PSD: variants seen among roughly 807,000 people sequenced by gnomAD.
PSD encodes PH and SEC7 domain-containing protein 1.
PSD carries 32 observed loss-of-function variants against 91.6 expected under a neutral mutation model. The ratio of observed to expected loss-of-function variants is 0.35; its 90% CI spans 0.26 to 0.47. PSD has a LOEUF of 0.47. Ranked by LOEUF, PSD falls within the 20% of genes least tolerant of loss-of-function variation. PSD has a pLI of 1.00. For synonymous variants in PSD, 532 were observed against 569.3 expected (o/e 0.93, Z 0.93); for missense variants, 1,099 against 1,373.9 (o/e 0.80, Z 3.16).
At chr10:102,415,384 G>A (rs1251913447) in intron 3 of PSD, among the ~76,000 whole-genome samples, 155 bp from the exon 4 acceptor site, 2 of 152,230 alleles carry the variant, frequency 1.3e-5, no homozygotes, top group Non-Finnish European at 2.9e-5. Flanking sequence ...GCTTGTTCCT[G>A]GTGCCAGTGG....
chr10:102,412,368 C>G lies in PSD; in HGVS notation c.1748+13G>C. On this transcript the variant is annotated intron_variant, in intron 6 of 16. Coordinates refer to ENST00000020673, the MANE Select transcript of PSD (RefSeq NM_002779.5). The stretch of plus-strand genomic sequence containing the variant: ...CTCTGCCCCCATCCTCAGTCCCAGC[C>G]TAGTGGCTTTACTTCTTGCCCAGGT... 6.2e-7 allele frequency: 1 copy of G among 1,613,080 alleles called. No homozygotes were observed. Among genetic ancestry groups the G allele is most frequent in the East Asian group, 2.2e-5 (1 of 44,854 alleles).
chr10:102,411,006 A>C (rs1182909772), intron 9 of PSD, 52 bp downstream of exon 9: 1 of 1,613,094 alleles, frequency 6.2e-7, no homozygotes, highest in Non-Finnish European at 8.5e-7. Flanking sequence ...CAGGTCCTGC[A>C]TGTCTGGCCA....
Position 102,404,220 on chromosome 10 carries a change from T to C in PSD, c.2701-235A>G, listed in dbSNP as rs1589879750. Reference sequence around the variant, plus strand: ...AAAATTAGCCAGGCGTGGTGGCAGGTGCCTGTAGTCCCAGCTACTCAGGAG... The same window carrying C: ...AAAATTAGCCAGGCGTGGTGGCAGGCGCCTGTAGTCCCAGCTACTCAGGAG... On this transcript the variant is annotated intron_variant, in intron 15 of 16. Coordinates refer to ENST00000020673, the MANE Select transcript of PSD (RefSeq NM_002779.5). This position sits in a 1 kb window ranked among gnomAD's most constrained non-coding sequence, Gnocchi z 5.7. Among the ~76,000 whole-genome samples, 1 of 151,938 alleles carries C rather than the reference T, an allele frequency of 6.6e-6. No individual in the cohort carries two copies. Among genetic ancestry groups the C allele is most frequent in the South Asian group, 2.1e-4 (1 of 4,810 alleles).
rs1045591280 is a variant in PSD at position 102,403,315 on chromosome 10, A to C, written c.2960T>G (p.Leu987Arg). The change falls in exon 17 of 17, where the codon CTC (leucine) becomes CGC (arginine). Residue 987 changes from leucine (L) to arginine (R), a missense_variant. By Grantham distance (102) the Leu-to-Arg change is moderately radical (BLOSUM62 -2). Coordinates refer to ENST00000020673, the MANE Select transcript of PSD (RefSeq NM_002779.5). This position sits in a 1 kb window ranked among gnomAD's most constrained non-coding sequence, Gnocchi z 6.7. ...GGAGGGACTGGAGTGAGAAGGAGGG[A>C]GTCCATCCTCTGTGCTCCCGGCCTG... Reference protein sequence around the residue: ...LAQAGSTEDGLPPSHSSPSLQ... With the variant: ...LAQAGSTEDGRPPSHSSPSLQ... The C allele has an allele frequency of 1.2e-6, 2 of 1,613,978 alleles. No homozygotes were observed. Among genetic ancestry groups the C allele is most frequent in the African/African-American group, 1.3e-5 (1 of 74,930 alleles).
At position 102,409,644 on chromosome 10, in the gene PSD, G is replaced by T. The variant is rs2061405067; in HGVS notation, c.2091+1214C>A. ...AGCCCTGGCCTCATCCAGCTCACCC[G>T]CAGATACCCCACCCATATATAGATC... On this transcript the variant is annotated intron_variant, in intron 10 of 16. Coordinates refer to ENST00000020673, the MANE Select transcript of PSD (RefSeq NM_002779.5). This position sits in a 1 kb window ranked among gnomAD's most constrained non-coding sequence, Gnocchi z 5.7. Among the ~76,000 whole-genome samples, 1 of 152,006 alleles carries T rather than the reference G, an allele frequency of 6.6e-6. No individual in the cohort carries two copies. The highest frequency in any genetic ancestry group is 1.5e-5 in the Non-Finnish European group (1 of 67,980).
At position 102,414,297 on chromosome 10, in the gene PSD, T is replaced by TC; in HGVS notation, c.1125-101dup. The TC allele has an allele frequency of 1.7e-6, 2 of 1,177,808 alleles. No homozygotes were observed. The highest frequency in any genetic ancestry group is 2.4e-6 in the Non-Finnish European group (2 of 835,080). 73.0% of individuals were successfully genotyped at this position (1,177,808 alleles called of 1,614,324 possible). A position where few individuals can be genotyped will look rare whatever the true frequency, so the allele number is the denominator to read the frequency against. Reference sequence around the variant, plus strand: ...ACTGACTCTGCTAAGGGGATTATCATCCCCTTTTCACTGGCTCCAGCCCAC... The same window carrying TC: ...ACTGACTCTGCTAAGGGGATTATCATCCCCCTTTTCACTGGCTCCAGCCCAC... On this transcript the variant is annotated intron_variant, in intron 4 of 16. Transcript: ENST00000020673. The surrounding 1 kb of genome is among the most constrained non-coding windows in gnomAD (Gnocchi z 5.6).
chr10:102,412,639 T>C, intron 5 of PSD, 64 bp from the exon 6 acceptor site: 1 of 1,426,888 alleles, frequency 7.0e-7, no homozygotes, highest in South Asian at 1.3e-5. Context: ...AGACCCTCCT[T>C]CTGCCTCCAG....
rs1164270149 is a variant in PSD, at chr10:102,414,119, A to G, written c.1203T>C (p.Ser401=). The change falls in exon 5 of 17, where the codon TCT becomes TCC. Residue 401 remains serine (S), a synonymous_variant. Coordinates refer to ENST00000020673, the MANE Select transcript of PSD (RefSeq NM_002779.5). The surrounding 1 kb of genome is among the most constrained non-coding windows in gnomAD (Gnocchi z 5.6). The part of the protein sequence containing the change: ...GTSPSADGPD[S]FSCVFEAILE... ...GGATGGCTTCGAACACACAACTGAAAGAGTCAGGCCCATCAGCCGAGGGGC... is the reference window on the plus strand; with the variant it reads ...GGATGGCTTCGAACACACAACTGAAGGAGTCAGGCCCATCAGCCGAGGGGC... 3 of 1,614,062 alleles carry G rather than the reference A, an allele frequency of 1.9e-6. No individual in the cohort carries two copies. Among genetic ancestry groups the G allele is most frequent in the Admixed American group, 1.7e-5 (1 of 60,010 alleles).
rs773567711 is a variant in PSD, at chr10:102,404,897, C to T, written c.2555+1G>A. On this transcript the variant is annotated splice_donor_variant, in intron 14 of 16. Transcript: ENST00000020673. LOFTEE classifies it high-confidence loss of function. This position sits in a 1 kb window ranked among gnomAD's most constrained non-coding sequence, Gnocchi z 5.7. ...GGGATGGGCAGGAGGAGGGCACTCA[C>T]GGGGCCTGGAAGAGGAAGACCCGCC... is the stretch of plus-strand genomic sequence containing the variant. The T allele has an allele frequency of 1.9e-6, 3 of 1,611,714 alleles. No individual in the cohort carries two copies. The highest frequency in any genetic ancestry group is 8.5e-7 in the Non-Finnish European group (1 of 1,178,956).
chr10:102,419,429 G>C (rs2061529197), upstream of PSD: 1 of 153,012 alleles, frequency 6.5e-6, no homozygotes, highest in Non-Finnish European at 1.5e-5. The surrounding 1 kb of genome is among the most constrained non-coding windows in gnomAD (Gnocchi z 4.8). Context: ...GAGGTTAGAC[G>C]GGATGAACTA....
rs763168055 is a variant in PSD at position 102,403,916 on chromosome 10, C to T, written c.2770G>A (p.Ala924Thr). Residue 924 changes from alanine (A) to threonine (T), a missense_variant, in exon 16 of 17, where the codon GCC becomes ACC. Around this residue, in one of 3 missense-constraint regions of PSD, gnomAD observed 358 missense variants for 426.5 expected, o/e 0.84. Transcript: ENST00000020673. The surrounding 1 kb of genome is among the most constrained non-coding windows in gnomAD (Gnocchi z 6.7). ...CCCCGGCCCTTCTTGCCCAGCTGGG[C>T]GGCCCGGTGCTCCCGCAGCTCACTT... is the stretch of plus-strand genomic sequence containing the variant. ...MASELREHRA[A>T]QLGKKGRGKE... 2.4e-5 allele frequency: 39 copies of T among 1,596,320 alleles called. No homozygotes were observed. Among genetic ancestry groups the T allele is most frequent in the South Asian group, 3.4e-5 (3 of 88,686 alleles).
chr10:102,418,164 A>G (rs1240551972), intron 1 of PSD, among the ~76,000 whole-genome samples: 1 of 151,066 alleles, frequency 6.6e-6, no homozygotes, highest in Non-Finnish European at 1.5e-5. Flanking sequence ...TCTGGCACAC[A>G]CACAGACACA....
rs2061517296 is a variant in PSD at position 102,418,775 on chromosome 10, G to A, written c.-158C>T. 2.2e-6 allele frequency: 1 copy of A among 455,458 alleles called. No individual in the cohort carries two copies. Among genetic ancestry groups the A allele is most frequent in the Non-Finnish European group, 4.4e-6 (1 of 226,556 alleles). 28.2% of individuals were successfully genotyped at this position (455,458 alleles called of 1,614,324 possible). A position where few individuals can be genotyped will look rare whatever the true frequency, so the allele number is the denominator to read the frequency against. On this transcript the variant is annotated 5_prime_UTR_variant, in exon 1 of 17. Transcript: ENST00000020673. ...CCCAGCTGAGCTGTGAAGGCAGCGC[G>A]GCTCCCGTTTGCTCCAGGCCCGCCC... is the stretch of plus-strand genomic sequence containing the variant.
At chr10:102,411,952 C>T in intron 7 of PSD, 133 bp from the exon 8 acceptor site, 2 of 896,762 alleles carry the variant, frequency 2.2e-6, no homozygotes, top group Non-Finnish European at 3.7e-6. Context: ...AGGGTATGCA[C>T]CCTGACCCTC....
At chr10:102,412,659 A>T in intron 5 of PSD, 84 bp from the exon 6 acceptor site, 1 of 1,235,550 alleles carries the variant, frequency 8.1e-7, no homozygotes, top group African/African-American at 1.5e-5. Flanking sequence ...GGCCCAGAAG[A>T]TGGAGAAGGG....
At position 102,418,751 on chromosome 10, in the gene PSD, C is replaced by A. The variant is rs1243385376; in HGVS notation, c.-134G>T. The A allele has an allele frequency of 4.4e-6, 2 of 455,664 alleles. No individual in the cohort carries two copies. The highest frequency in any genetic ancestry group is 8.8e-6 in the Non-Finnish European group (2 of 226,674). The allele number at this position is 455,664 out of a possible 1,614,324, so 28.2% of individuals were successfully genotyped here. On this transcript the variant is annotated 5_prime_UTR_variant, in exon 1 of 17. Coordinates refer to ENST00000020673, the MANE Select transcript of PSD (RefSeq NM_002779.5). ...AGGAGAGACAGAGGAGAGGCTGGGC[C>A]CAGCTGAGCTGTGAAGGCAGCGCGG...
chr10:102,413,781 G>A lies in PSD; in HGVS notation c.1541C>T (p.Ala514Val). The change falls in exon 5 of 17, where the codon GCA (alanine) becomes GTA (valine). Residue 514 changes from alanine (A) to valine (V), a missense_variant. Ala to Val is a moderately conservative substitution (Grantham distance 64). This residue lies in a region of PSD where 631 missense variants were observed against 728.8 expected (regional missense o/e 0.87). Transcript: ENST00000020673. Reference protein sequence around the residue: ...HSEDSLGLGAAPLGSEPPLSQ... With the variant: ...HSEDSLGLGAVPLGSEPPLSQ... ...AGGAATTACTTACCTGCCAAGGGGTGCTGCCCCCAGCCCAAGGCTGTCCTC... is the reference window on the plus strand; with the variant it reads ...AGGAATTACTTACCTGCCAAGGGGTACTGCCCCCAGCCCAAGGCTGTCCTC... The A allele has an allele frequency of 2.5e-6, 4 of 1,610,770 alleles. No homozygotes were observed. Among genetic ancestry groups the A allele is most frequent in the Non-Finnish European group, 3.4e-6 (4 of 1,177,648 alleles).
intron 3 of PSD, 65 bp downstream of exon 3, chr10:102,415,952 A>G (rs949910182): frequency 6.2e-6 from 8 of 1,281,530 alleles, no homozygotes; most frequent in African/African-American, 6.0e-5. Context: ...AGGGCTCCCT[A>G]CTGAGCCTCA....
At position 102,418,769 on chromosome 10, in the gene PSD, C is replaced by T. The variant is rs915181161; in HGVS notation, c.-152G>A. 2.2e-6 allele frequency: 1 copy of T among 455,650 alleles called. No individual in the cohort carries two copies. Among genetic ancestry groups the T allele is most frequent in the East Asian group, 7.0e-5 (1 of 14,380 alleles). 28.2% of individuals were successfully genotyped at this position (455,650 alleles called of 1,614,324 possible). ...GCTGGGCCCAGCTGAGCTGTGAAGG[C>T]AGCGCGGCTCCCGTTTGCTCCAGGC... On this transcript the variant is annotated 5_prime_UTR_variant, in exon 1 of 17. Coordinates refer to ENST00000020673, the MANE Select transcript of PSD (RefSeq NM_002779.5).
Sources: gnomAD v4.1 joint callset for allele counts (sites outside exome capture counted in the v4.1 genomes callset) on GRCh38, gnomAD v4.1.1 for gene constraint, gnomAD v4.1.1 regional missense constraint, Gnocchi (gnomAD v3.1) non-coding constraint, MANE v1.5 for transcripts, NCBI Gene and HGNC (gene_info 2026-07-23, HGNC 2026-07-21) for gene names.